NDST1: variants seen among roughly 807,000 people sequenced by gnomAD.
NDST1 encodes the protein bifunctional heparan sulfate N-deacetylase/N-sulfotransferase 1.
Under a neutral mutation model 92.8 loss-of-function variants are expected in NDST1, and 35 were observed. The observed-to-expected ratio is 0.38, with a 90% CI of 0.29 to 0.50. The LOEUF (loss-of-function observed/expected upper bound fraction) is 0.50, where lower values mean the gene tolerates loss of function less well. Among genes scored for constraint, NDST1 ranks in the 20% least tolerant of loss-of-function variants. The probability of loss-of-function intolerance (pLI) is 0.94; values close to 1 mark genes in which losing one functional copy is unlikely to be tolerated. For synonymous variants in NDST1, 493 were observed against 500.3 expected, an observed-to-expected ratio of 0.99 and a Z score of 0.19; for missense variants, 822 against 1,182.7, an observed-to-expected ratio of 0.69 and a Z score of 4.47.
intron 4 of NDST1, among the ~76,000 whole-genome samples, chr5:150,534,294 G>C (rs1175436556): frequency 6.6e-6 from 1 of 151,884 alleles, no homozygotes; most frequent in Non-Finnish European, 1.5e-5. Context: ...TAGAGATGGG[G>C]CCTTGCACTA....
At chr5:150,543,014 C>CTGGG (rs1755314882) in intron 10 of NDST1, 43 bp downstream of exon 10, 1 of 1,612,380 alleles carries the variant, frequency 6.2e-7, no homozygotes, top group South Asian at 1.1e-5. Flanking sequence ...GAAGGCCATC[C>CTGGG]TGGGGCCTCC....
chr5:150,501,933 AG>A (rs1379043015), intron 1 of NDST1, among the ~76,000 whole-genome samples: 5 of 152,236 alleles, frequency 3.3e-5, no homozygotes, highest in African/African-American at 1.2e-4. Flanking sequence ...CGGGAAATTG[AG>A]GGAAGAATTT....
intron 11 of NDST1, among the ~76,000 whole-genome samples, chr5:150,547,596 G>A (rs151214539): frequency 1.1e-3 from 164 of 152,280 alleles, no homozygotes; most frequent in Middle Eastern, 6.8e-3. Context: ...GTGGTCTTAC[G>A]TCCTTTCTAA....
In NDST1 at chr5:150,551,739, T is replaced by C; in HGVS notation, c.2427-14T>C. On this transcript the variant is annotated splice_polypyrimidine_tract_variant and intron_variant, in intron 13 of 14. Transcript: ENST00000261797. ...TGAGCCAGCTCCCATCCAAAGACTT[T>C]CCCACCTCCACAGGTTTGATCCAAA... The C allele has an allele frequency of 6.2e-7, 1 of 1,611,710 alleles. No homozygotes were observed. Among genetic ancestry groups the C allele is most frequent in the South Asian group, 1.1e-5 (1 of 90,972 alleles).
At chr5:150,546,407 C>T (rs1047671934) in intron 11 of NDST1, among the ~76,000 whole-genome samples, 4 of 152,230 alleles carry the variant, frequency 2.6e-5, no homozygotes, top group African/African-American at 7.2e-5. Context: ...CGGAGTCCCT[C>T]CCCTGGCTGC....
intron 12 of NDST1, among the ~76,000 whole-genome samples, chr5:150,549,315 C>T (rs1755623354): frequency 6.6e-6 from 1 of 152,206 alleles, no homozygotes; most frequent in Admixed American, 6.5e-5. Context: ...CCCGGCCATG[C>T]CCAGCCATAC....
In NDST1 at chr5:150,539,954, C is replaced by T. The variant is rs1025765377; in HGVS notation, c.1567-128C>T. The T allele has an allele frequency of 9.8e-6, 13 of 1,323,370 alleles. No homozygotes were observed. In the East Asian group the frequency reaches 3.2e-4, roughly 33 times the overall value. The allele number at this position is 1,323,370 out of a possible 1,614,324, so 82.0% of individuals were successfully genotyped here. A position where few individuals can be genotyped will look rare whatever the true frequency, so the allele number is the denominator to read the frequency against. On this transcript the variant is annotated intron_variant, in intron 7 of 14. Coordinates refer to ENST00000261797, the MANE Select transcript of NDST1 (RefSeq NM_001543.5). ...ACTCGCAGCGAGTTTGTTGACAGCG[C>T]CAGCGTAACTTCCACTGGTCATCAG...
chr5:150,497,794 C>T (rs1753059930), upstream of NDST1: 1 of 152,280 alleles, frequency 6.6e-6, no homozygotes, highest in Non-Finnish European at 1.5e-5. Flanking sequence ...TTCTGTTCTC[C>T]CGGCCCCGAA....
At chr5:150,505,384 A>T (rs1581334376), upstream of NDST1, among the ~76,000 whole-genome samples, 2 of 152,320 alleles carry the variant, frequency 1.3e-5, no homozygotes, top group South Asian at 4.1e-4. Context: ...GGCTGATGCC[A>T]TGGAATGTGG....
At chr5:150,539,857 G>T (rs1417452236) in intron 7 of NDST1, 4 of 909,666 alleles carry the variant, frequency 4.4e-6, no homozygotes, top group Non-Finnish European at 5.3e-6. Context: ...CCCACATTGG[G>T]TCTGCTTTCC....
chr5:150,518,764 T>C (rs1754103248), intron 1 of NDST1: 1 of 151,084 alleles, frequency 6.6e-6, no homozygotes, highest in African/African-American at 2.4e-5. Flanking sequence ...GATTTCATCA[T>C]ATGCTTGTAT....
chr5:150,547,585 A>G (rs1403513959), intron 11 of NDST1, among the ~76,000 whole-genome samples: 1 of 152,242 alleles, frequency 6.6e-6, no homozygotes, highest in Non-Finnish European at 1.5e-5. Context: ...CTTTAGTGCA[A>G]GTGGTCTTAC....
intron 3 of NDST1, among the ~76,000 whole-genome samples, chr5:150,529,784 A>C (rs1219718295): frequency 2.0e-5 from 3 of 152,252 alleles, no homozygotes; most frequent in Non-Finnish European, 4.4e-5. Context: ...TGATGTTAGC[A>C]GGAGGCTTTA....
intron 1 of NDST1, among the ~76,000 whole-genome samples, chr5:150,518,172 A>G (rs1754069799): frequency 6.6e-6 from 1 of 150,942 alleles, no homozygotes; most frequent in South Asian, 2.1e-4. Flanking sequence ...TCCTCTGTCT[A>G]CCCCTGCCCA....
At chr5:150,506,940 C>T (rs1376470494), upstream of NDST1, among the ~76,000 whole-genome samples, 2 of 152,240 alleles carry the variant, frequency 1.3e-5, no homozygotes, top group Non-Finnish European at 2.9e-5. Flanking sequence ...CTTTTCCCTT[C>T]CTCTGTGTTA....
chr5:150,508,768 G>A (rs1028875760), intron 1 of NDST1, among the ~76,000 whole-genome samples: 2 of 152,124 alleles, frequency 1.3e-5, no homozygotes, highest in Admixed American at 1.3e-4. Context: ...TTTGATGGGG[G>A]CCAGTCACAA....
intron 7 of NDST1, 26 bp from the exon 8 acceptor site, chr5:150,540,056 C>T (rs751499209): frequency 6.2e-6 from 10 of 1,613,836 alleles, no homozygotes; most frequent in Admixed American, 1.7e-5. Flanking sequence ...TGGGCCCTGC[C>T]TCTCTCCTCC....
intron 6 of NDST1, among the ~76,000 whole-genome samples, chr5:150,536,846 G>A (rs1311582815): frequency 6.6e-6 from 1 of 152,228 alleles, no homozygotes; most frequent in African/African-American, 2.4e-5. Context: ...AATTACAGGC[G>A]TGAGCCACTG....
At chr5:150,543,211 C>T (rs937648813) in intron 10 of NDST1, among the ~76,000 whole-genome samples, 1 of 152,230 alleles carries the variant, frequency 6.6e-6, no homozygotes, top group Non-Finnish European at 1.5e-5. Context: ...ACGCTGAGGT[C>T]GAAGTCCACC....
Sources: gnomAD v4.1 joint callset for allele counts (sites outside exome capture counted in the v4.1 genomes callset) on GRCh38, gnomAD v4.1.1 for gene constraint, MANE v1.5 for transcripts, NCBI Gene and HGNC (gene_info 2026-07-23, HGNC 2026-07-21) for gene names.